The following AZIN2 variants were observed in gnomAD, a reference collection of about 807,000 sequenced individuals.
AZIN2 encodes the protein ODC antizyme inhibitor-2.
A neutral mutation model predicts 47.8 loss-of-function variants in AZIN2; 28 were observed. The observed-to-expected ratio is 0.59, with a 90% CI of 0.43 to 0.80. The LOEUF is 0.80. Ranked by LOEUF, AZIN2 falls within the 30% of genes least tolerant of loss-of-function variation. The pLI is 0.00. For synonymous variants in AZIN2, 221 were observed against 239.4 expected (o/e 0.92, Z 0.71); for missense variants, 535 against 582.5 (o/e 0.92, Z 0.84).
In AZIN2 at chr1:33,117,959, G is replaced by A. The variant is rs1056554989; in HGVS notation, c.1087G>A (p.Gly363Ser). The A allele has an allele frequency of 6.2e-7, 1 of 1,613,370 alleles. No homozygotes were observed. The highest frequency in any genetic ancestry group is 1.7e-5 in the Admixed American group (1 of 59,854). Residue 363 changes from glycine to serine, a missense_variant, in exon 11 of 12, where the codon GGC becomes AGC. Physicochemically the swap from Gly to Ser is moderately conservative, Grantham distance 56. This residue lies in a region of AZIN2 where 122 missense variants were observed against 135.8 expected (regional missense o/e 0.90). Transcript: ENST00000294517. Reference sequence around the variant, plus strand: ...CAGCCTGTGGGGCCCGGCGGTTGATGGCTGTGATTGCGTGGCTGAGGGCCT... The same window carrying A: ...CAGCCTGTGGGGCCCGGCGGTTGATAGCTGTGATTGCGTGGCTGAGGGCCT... Reference protein sequence around the residue: ...SSSLWGPAVDGCDCVAEGLWL... With the variant: ...SSSLWGPAVDSCDCVAEGLWL...
intron 5 of AZIN2, among the ~76,000 whole-genome samples, chr1:33,084,532 C>A (rs1641664960): frequency 6.6e-6 from 1 of 151,960 alleles, no homozygotes; most frequent in African/African-American, 2.4e-5. Flanking sequence ...TTGTTGTTGC[C>A]ACCAATTCTG....
At chr1:33,125,672 T>C (rs1644851325), downstream of AZIN2, among the ~76,000 whole-genome samples, 1 of 152,208 alleles carries the variant, frequency 6.6e-6, no homozygotes, top group African/African-American at 2.4e-5. Flanking sequence ...AATCATATGG[T>C]CAAAATTATC....
the AZIN2 span, among the ~76,000 whole-genome samples, chr1:33,162,614 C>T: frequency 1.3e-5 from 2 of 152,130 alleles, no homozygotes; most frequent in African/African-American, 2.4e-5. Context: ...GAGATTGCTC[C>T]GTAGAGCTGG....
the AZIN2 span, chr1:33,165,413 C>T: frequency 6.8e-7 from 1 of 1,473,628 alleles, no homozygotes. The surrounding 1 kb of genome is among the most constrained non-coding windows in gnomAD (Gnocchi z 4.0). Flanking sequence ...TGGCCCCGCC[C>T]CTCGAAGCCC....
the AZIN2 span, among the ~76,000 whole-genome samples, chr1:33,153,181 C>T: frequency 6.6e-6 from 1 of 152,164 alleles, no homozygotes; most frequent in African/African-American, 2.4e-5. Context: ...GGCTAGGTCC[C>T]TGGGGGCACC....
At chr1:33,157,875 G>C in the AZIN2 span, among the ~76,000 whole-genome samples, 2 of 151,994 alleles carry the variant, frequency 1.3e-5, no homozygotes, top group Non-Finnish European at 2.9e-5. Flanking sequence ...TCCTGCCTCA[G>C]CCTCTCGAGT....
rs149817424 is a variant in AZIN2, at chr1:33,082,329, C to G, written c.80C>G (p.Thr27Ser). Residue 27 changes from threonine to serine, a missense_variant, in exon 4 of 12, where the codon ACT (threonine) becomes AGT (serine). Thr to Ser is a moderately conservative substitution (Grantham distance 58, BLOSUM62 1). Coordinates refer to ENST00000294517, the MANE Select transcript of AZIN2 (RefSeq NM_052998.4). Reference protein sequence around the residue: ...FSTRDLLKELTLGASQATTDE... With the variant: ...FSTRDLLKELSLGASQATTDE... The stretch of plus-strand genomic sequence containing the variant: ...ACCCGAGACCTGCTGAAGGAACTCA[C>G]TCTGGGGGCCTCACAGGCCACCACG... 6,371 of 1,613,852 alleles carry G rather than the reference C, an allele frequency of 3.9e-3. 221 individuals carry two copies. The Admixed American group carries it at 0.072, about 18-fold the overall frequency.
downstream of AZIN2, among the ~76,000 whole-genome samples, chr1:33,124,853 TC>T (rs1644845680): frequency 6.6e-6 from 1 of 152,244 alleles, no homozygotes; most frequent in African/African-American, 2.4e-5. This position sits in a 1 kb window ranked among gnomAD's most constrained non-coding sequence, Gnocchi z 4.6. Flanking sequence ...CAGGAACTCA[TC>T]CTTTTTTATG....
At chr1:33,164,766 T>TATTCATTCATTCATTC in the AZIN2 span, 1 of 151,606 alleles carries the variant, frequency 6.6e-6, no homozygotes, top group African/African-American at 2.4e-5. Flanking sequence ...GCAATGGGCT[T>TATTCATTCATTCATTC]ATTCATTCAT....
chr1:33,140,352 G>A, the AZIN2 span, among the ~76,000 whole-genome samples: 1 of 152,172 alleles, frequency 6.6e-6, no homozygotes, highest in South Asian at 2.1e-4. The surrounding 1 kb of genome is among the most constrained non-coding windows in gnomAD (Gnocchi z 4.0). Context: ...GACCTTTCAG[G>A]TCCCATATCT....
intron 5 of AZIN2, among the ~76,000 whole-genome samples, chr1:33,086,368 A>G (rs988740942): frequency 4.6e-5 from 7 of 151,942 alleles, no homozygotes; most frequent in African/African-American, 1.7e-4. Context: ...GTGGCTGGGG[A>G]GAGGATGGCT....
At chr1:33,085,691 G>A (rs974580697) in intron 5 of AZIN2, among the ~76,000 whole-genome samples, 1 of 152,210 alleles carries the variant, frequency 6.6e-6, no homozygotes, top group Non-Finnish European at 1.5e-5. Flanking sequence ...AGGTTAACCT[G>A]TAGCAGGGAC....
chr1:33,161,229 G>A, the AZIN2 span, among the ~76,000 whole-genome samples: 1 of 152,212 alleles, frequency 6.6e-6, no homozygotes, highest in Non-Finnish European at 1.5e-5. The surrounding 1 kb of genome is among the most constrained non-coding windows in gnomAD (Gnocchi z 4.3). Context: ...TTCATTGAGA[G>A]ACGGGTTCTG....
At chr1:33,098,020 C>T (rs754906523) in intron 9 of AZIN2, 47 bp from the exon 10 acceptor site, 1 of 1,405,142 alleles carries the variant, frequency 7.1e-7, no homozygotes, top group Admixed American at 1.7e-5. Context: ...CACTACCACC[C>T]CCTCACATTG....
the AZIN2 span, among the ~76,000 whole-genome samples, chr1:33,137,733 A>T: frequency 6.6e-6 from 1 of 151,954 alleles, no homozygotes; most frequent in African/African-American, 2.4e-5. Flanking sequence ...GTGGCTCAGC[A>T]CCCTCCTTGG....
At position 33,094,661 on chromosome 1, in the gene AZIN2, A is replaced by G; in HGVS notation, c.701A>G (p.Asp234Gly). 6 of 1,614,108 alleles carry G rather than the reference A, an allele frequency of 3.7e-6. No individual in the cohort carries two copies. The highest frequency in any genetic ancestry group is 4.2e-6 in the Non-Finnish European group (5 of 1,180,026). ...CTGGGTCACAAGATGCACGTTCTGGACCTTGGTGGTGGCTTCCCTGGCACA... is the reference window on the plus strand; with the variant it reads ...CTGGGTCACAAGATGCACGTTCTGGGCCTTGGTGGTGGCTTCCCTGGCACA... ...TELGHKMHVLDLGGGFPGTEG... is the reference protein window; with the variant it reads ...TELGHKMHVLGLGGGFPGTEG... The change falls in exon 8 of 12, where the codon GAC becomes GGC. Residue 234 changes from aspartate to glycine, a missense_variant. Asp to Gly is a moderately conservative substitution (Grantham distance 94, BLOSUM62 -1). Around this residue, in one of 3 missense-constraint regions of AZIN2, gnomAD observed 409 missense variants for 429.0 expected, o/e 0.95. Transcript: ENST00000294517.
chr1:33,135,142 TA>T, the AZIN2 span, among the ~76,000 whole-genome samples: 1 of 152,094 alleles, frequency 6.6e-6, no homozygotes, highest in Non-Finnish European at 1.5e-5. Context: ...AAAAAAAATT[TA>T]GCCGGGCATG....
chr1:33,147,330 G>A, the AZIN2 span: 92 of 1,614,114 alleles, frequency 5.7e-5, no homozygotes, highest in Non-Finnish European at 7.5e-5. This position sits in a 1 kb window ranked among gnomAD's most constrained non-coding sequence, Gnocchi z 8.1. Context: ...AGATGAGCAA[G>A]CCTTGGTCAT....
chr1:33,082,181 G>T lies in AZIN2; in HGVS notation c.-69G>T, dbSNP rs760477559. ...TTCATCTCCCCTCGCCCCGCAGTGT[G>T]TTGCATACTTTCTAAGGCGGCGGCT... On this transcript the variant is annotated 5_prime_UTR_variant, in exon 4 of 12. Transcript: ENST00000294517. 93 of 1,329,052 alleles carry T rather than the reference G, an allele frequency of 7.0e-5. No homozygotes were observed. Among genetic ancestry groups the T allele is most frequent in the Non-Finnish European group, 9.9e-5 (92 of 932,868 alleles). 82.3% of individuals were successfully genotyped at this position (1,329,052 alleles called of 1,614,324 possible).
Sources: gnomAD v4.1 joint callset for allele counts (sites outside exome capture counted in the v4.1 genomes callset) on GRCh38, gnomAD v4.1.1 for gene constraint, gnomAD v4.1.1 regional missense constraint, Gnocchi (gnomAD v3.1) non-coding constraint, MANE v1.5 for transcripts, NCBI Gene and HGNC (gene_info 2026-07-23, HGNC 2026-07-21) for gene names.